The following PLPPR5 variants were observed in gnomAD, a reference collection of about 807,000 sequenced individuals.
The protein encoded by PLPPR5 is phospholipid phosphatase related 5.
A neutral mutation model predicts 33.9 loss-of-function variants in PLPPR5; 16 were observed. The observed-to-expected ratio is 0.47, with a 90% CI of 0.32 to 0.72. PLPPR5 has a LOEUF of 0.72. Among genes scored for constraint, PLPPR5 ranks in the 30% least tolerant of loss-of-function variants. The pLI is 0.03. For missense variants in PLPPR5, 301 were observed against 406.7 expected (o/e 0.74, Z 2.23); for synonymous variants, 163 against 150.3 (o/e 1.08, Z -0.62).
intron 1 of PLPPR5, among the ~76,000 whole-genome samples, chr1:98,990,076 C>T (rs1652398286): frequency 6.6e-6 from 1 of 152,054 alleles, no homozygotes; most frequent in Admixed American, 6.6e-5. Context: ...TAAAATATCA[C>T]CCTTGATAAA....
At chr1:98,917,495 G>A (rs1401048242) in intron 4 of PLPPR5, among the ~76,000 whole-genome samples, 3 of 152,068 alleles carry the variant, frequency 2.0e-5, no homozygotes, top group Admixed American at 6.6e-5. Context: ...TTGGCTTTCC[G>A]TTTTTCTTAA....
chr1:98,912,616 C>A (rs993993538), intron 5 of PLPPR5, among the ~76,000 whole-genome samples: 5 of 152,114 alleles, frequency 3.3e-5, no homozygotes, highest in African/African-American at 1.2e-4. Context: ...CACCTAACTG[C>A]AAGGGAAGCT....
At chr1:98,899,658 GTT>G (rs397967481) in intron 5 of PLPPR5, among the ~76,000 whole-genome samples, 1 of 103,332 alleles carries the variant, frequency 9.7e-6, no homozygotes, top group Non-Finnish European at 2.2e-5. Flanking sequence ...TATTTCACTT[GTT>G]TTTTTTTTTT....
chr1:98,911,077 C>T (rs1225838752), intron 5 of PLPPR5, among the ~76,000 whole-genome samples: 2 of 152,130 alleles, frequency 1.3e-5, no homozygotes, highest in African/African-American at 2.4e-5. Context: ...TACATGTCCT[C>T]TCAGCAGCAC....
At chr1:98,901,494 A>G (rs192348404) in intron 5 of PLPPR5, among the ~76,000 whole-genome samples, 58 of 152,294 alleles carry the variant, frequency 3.8e-4, no homozygotes, top group Middle Eastern at 3.4e-3. Flanking sequence ...CACCAGACAT[A>G]ACATGAAGTC....
At chr1:98,991,560 T>C (rs1652452117) in intron 1 of PLPPR5, among the ~76,000 whole-genome samples, 1 of 152,170 alleles carries the variant, frequency 6.6e-6, no homozygotes, top group Non-Finnish European at 1.5e-5. Context: ...AAAGGGCTCA[T>C]GTCCATGTTA....
intron 1 of PLPPR5, among the ~76,000 whole-genome samples, chr1:98,965,243 T>C (rs922472911): frequency 2.0e-5 from 3 of 152,144 alleles, no homozygotes; most frequent in Non-Finnish European, 4.4e-5. Flanking sequence ...AACCCCAACC[T>C]GATAGAAGCC....
intron 1 of PLPPR5, among the ~76,000 whole-genome samples, chr1:98,988,227 A>C (rs112794153): frequency 0.016 from 2,415 of 152,236 alleles, 28 homozygotes; most frequent in Non-Finnish European, 0.022. Flanking sequence ...TTCTTTGTCA[A>C]AAGTTGCAGC....
intron 2 of PLPPR5, among the ~76,000 whole-genome samples, chr1:98,953,911 AT>A (rs1285753348): frequency 2.0e-5 from 3 of 151,950 alleles, no homozygotes; most frequent in South Asian, 2.1e-4. Flanking sequence ...TCAGAAACAC[AT>A]TTTTTTTAAA....
intron 5 of PLPPR5, among the ~76,000 whole-genome samples, chr1:98,913,053 C>T (rs1401264471): frequency 1.3e-5 from 2 of 151,942 alleles, no homozygotes; most frequent in African/African-American, 4.8e-5. Context: ...TCTTTCTAGC[C>T]ATTATTTATC....
chr1:98,934,303 G>A (rs1398803308), intron 3 of PLPPR5, among the ~76,000 whole-genome samples: 1 of 152,070 alleles, frequency 6.6e-6, no homozygotes, highest in Non-Finnish European at 1.5e-5. Context: ...GTCATCCCTG[G>A]GCAAAACACA....
intron 3 of PLPPR5, among the ~76,000 whole-genome samples, chr1:98,940,543 G>A (rs777924538): frequency 4.0e-5 from 6 of 151,882 alleles, no homozygotes; most frequent in Admixed American, 1.3e-4. Flanking sequence ...GGAGTGTAAC[G>A]CTTGAAAGGG....
rs917319460 is a variant in PLPPR5, at chr1:99,002,463, C to CT, written c.237+1971dup. Among the ~76,000 whole-genome samples, 17 of 151,612 alleles carry CT rather than the reference C, an allele frequency of 1.1e-4. No individual in the cohort carries two copies. In the South Asian group the frequency reaches 1.3e-3, roughly 11 times the overall value. Reference sequence around the variant, plus strand: ...ATAGGCATACAAATGCCATACCCACCTTTTTTTTTGTTTTCAGATATTCCT... The same window carrying CT: ...ATAGGCATACAAATGCCATACCCACCTTTTTTTTTTGTTTTCAGATATTCCT... On this transcript the variant is annotated intron_variant, in intron 1 of 5. Coordinates refer to ENST00000263177, the MANE Select transcript of PLPPR5 (RefSeq NM_001037317.2).
intron 5 of PLPPR5, among the ~76,000 whole-genome samples, chr1:98,903,480 G>A (rs1227616359): frequency 6.6e-6 from 1 of 152,124 alleles, no homozygotes; most frequent in Non-Finnish European, 1.5e-5. Context: ...GTCTTGGCAA[G>A]AAACCACAGG....
intron 5 of PLPPR5, among the ~76,000 whole-genome samples, chr1:98,906,613 T>C (rs1234629470): frequency 6.6e-6 from 1 of 152,168 alleles, no homozygotes; most frequent in Non-Finnish European, 1.5e-5. Flanking sequence ...CCAAAGTAAC[T>C]GGAGTAGGAA....
intron 3 of PLPPR5, among the ~76,000 whole-genome samples, chr1:98,938,019 G>A (rs1650235891): frequency 6.6e-6 from 1 of 152,156 alleles, no homozygotes; most frequent in Non-Finnish European, 1.5e-5. Context: ...TAGCAGACAT[G>A]TGGACTCATC....
chr1:98,977,094 T>C (rs1024971230), intron 1 of PLPPR5, among the ~76,000 whole-genome samples: 1 of 152,028 alleles, frequency 6.6e-6, no homozygotes, highest in African/African-American at 2.4e-5. Flanking sequence ...GCAGAACTTT[T>C]AGATAAATTT....
In PLPPR5 at chr1:99,004,783, G is replaced by C; in HGVS notation, c.-112C>G. ...GGGCGCGGCGGCGGAGGCGGCGGGAGGACGAGGCACGGGAGGCGGGATGGA... is the reference window on the plus strand; with the variant it reads ...GGGCGCGGCGGCGGAGGCGGCGGGACGACGAGGCACGGGAGGCGGGATGGA... On this transcript the variant is annotated 5_prime_UTR_variant, in exon 1 of 6. Coordinates refer to ENST00000263177, the MANE Select transcript of PLPPR5 (RefSeq NM_001037317.2). The C allele has an allele frequency of 1.7e-6, 1 of 592,314 alleles. No individual in the cohort carries two copies. The highest frequency in any genetic ancestry group is 5.1e-5 in the East Asian group (1 of 19,698). 36.7% of individuals were successfully genotyped at this position (592,314 alleles called of 1,614,324 possible).
chr1:98,972,967 A>G (rs1486149659), intron 1 of PLPPR5, among the ~76,000 whole-genome samples: 1 of 152,112 alleles, frequency 6.6e-6, no homozygotes, highest in East Asian at 1.9e-4. Context: ...AAGTTTAGAA[A>G]AAGGGCAATC....
Sources: allele counts gnomAD v4.1 joint callset (sites outside exome capture counted in the v4.1 genomes callset), GRCh38; gene constraint gnomAD v4.1.1; transcripts MANE v1.5; gene names NCBI Gene and HGNC (gene_info 2026-07-23, HGNC 2026-07-21).